Variants in ADGRL3 observed in about 807,000 individuals in gnomAD.
The protein encoded by ADGRL3 is adhesion G protein-coupled receptor L3, also known as calcium-independent alpha-latrotoxin receptor 3.
Under a neutral mutation model 153.5 loss-of-function variants are expected in ADGRL3, and 62 were observed. The observed-to-expected ratio is 0.40, with a 90% CI of 0.33 to 0.50. The LOEUF (loss-of-function observed/expected upper bound fraction) is 0.50, where lower values mean the gene tolerates loss of function less well. Ranked by LOEUF, ADGRL3 falls within the 20% of genes least tolerant of loss-of-function variation. The probability of loss-of-function intolerance (pLI) is 0.47; values close to 1 mark genes in which losing one functional copy is unlikely to be tolerated. For missense variants in ADGRL3, 1,641 were observed against 1,859.4 expected (o/e 0.88, Z 2.16); for synonymous variants, 710 against 672.5 (o/e 1.06, Z -0.86).
At chr4:61,537,715 G>A (rs548092491) in intron 4 of ADGRL3, among the ~76,000 whole-genome samples, 5 of 152,060 alleles carry the variant, frequency 3.3e-5, no homozygotes, top group African/African-American at 7.2e-5. Flanking sequence ...AATTCCCAAC[G>A]TTCTGTATAG....
intron 2 of ADGRL3, among the ~76,000 whole-genome samples, chr4:61,429,590 C>G (rs1038829292): frequency 3.3e-5 from 5 of 151,980 alleles, no homozygotes; most frequent in Non-Finnish European, 5.9e-5. Flanking sequence ...TCAGTTTATT[C>G]CTTTTCTCTT....
chr4:61,743,472 T>C (rs1329249645), intron 8 of ADGRL3, among the ~76,000 whole-genome samples: 1 of 152,202 alleles, frequency 6.6e-6, no homozygotes, highest in Non-Finnish European at 1.5e-5. Context: ...AGAATGTCTT[T>C]GAAGAAACTT....
At chr4:61,650,080 G>A (rs1174336065) in intron 5 of ADGRL3, among the ~76,000 whole-genome samples, 1 of 152,102 alleles carries the variant, frequency 6.6e-6, no homozygotes, top group Admixed American at 6.5e-5. Context: ...GTAACTGTGG[G>A]AAAGTGGCGG....
Position 61,202,274 on chromosome 4 carries a change from G to C in ADGRL3, c.-240+509G>C, listed in dbSNP as rs1186115481. The C allele has an allele frequency of 6.6e-6, 1 of 152,492 alleles. No homozygotes were observed. Among genetic ancestry groups the C allele is most frequent in the African/African-American group, 2.4e-5 (1 of 41,446 alleles). 9.4% of individuals were successfully genotyped at this position (152,492 alleles called of 1,614,324 possible). A position where few individuals can be genotyped will look rare whatever the true frequency, so the allele number is the denominator to read the frequency against. On this transcript the variant is annotated intron_variant, in intron 1 of 26. Coordinates refer to ENST00000683033, the MANE Select transcript of ADGRL3 (RefSeq NM_001387552.1). This position sits in a 1 kb window ranked among gnomAD's most constrained non-coding sequence, Gnocchi z 5.0. ...GGGAAGATGGAAAATGCAGGGTGCC[G>C]AGCCCGGCGCGATTCTCCCTCAACG...
At chr4:61,857,908 G>A (rs1202807150) in intron 9 of ADGRL3, among the ~76,000 whole-genome samples, 1 of 152,020 alleles carries the variant, frequency 6.6e-6, no homozygotes, top group Non-Finnish European at 1.5e-5. Flanking sequence ...AGTCCATTTG[G>A]GAGGGTTACA....
intron 2 of ADGRL3, among the ~76,000 whole-genome samples, chr4:61,458,781 T>G (rs538429716): frequency 5.2e-4 from 79 of 151,626 alleles, no homozygotes; most frequent in African/African-American, 1.7e-3. Context: ...TTATTTATTT[T>G]TGGAACCCTG....
At chr4:61,430,144 A>G (rs2097337873) in intron 2 of ADGRL3, among the ~76,000 whole-genome samples, 1 of 152,176 alleles carries the variant, frequency 6.6e-6, no homozygotes, top group Non-Finnish European at 1.5e-5. Context: ...CAAACAGGTA[A>G]TGTTGCCTTT....
At chr4:61,407,598 T>C (rs889441763) in intron 2 of ADGRL3, among the ~76,000 whole-genome samples, 3 of 152,178 alleles carry the variant, frequency 2.0e-5, no homozygotes, top group Non-Finnish European at 4.4e-5. Context: ...TGCATCGTTT[T>C]ACCTGCCAAA....
chr4:62,061,454 C>T (rs1357713097), intron 25 of ADGRL3, among the ~76,000 whole-genome samples: 1 of 151,868 alleles, frequency 6.6e-6, no homozygotes, highest in African/African-American at 2.4e-5. Flanking sequence ...TTAGTTTAAC[C>T]TGTAGTTAAT....
chr4:61,745,745 C>T (rs1341423421), intron 8 of ADGRL3, among the ~76,000 whole-genome samples: 1 of 152,186 alleles, frequency 6.6e-6, no homozygotes, highest in Non-Finnish European at 1.5e-5. Context: ...GTACCAGCCA[C>T]TGCAAAATCA....
intron 17 of ADGRL3, among the ~76,000 whole-genome samples, chr4:61,952,853 C>G (rs781326588): frequency 2.0e-5 from 3 of 152,204 alleles, no homozygotes; most frequent in African/African-American, 7.2e-5. Flanking sequence ...CATTGCCTAA[C>G]AACCTTTCCG....
At chr4:61,422,473 C>G (rs2097218193) in intron 2 of ADGRL3, among the ~76,000 whole-genome samples, 1 of 152,024 alleles carries the variant, frequency 6.6e-6, no homozygotes, top group African/African-American at 2.4e-5. Flanking sequence ...TGCATACACA[C>G]AGATATGGAA....
intron 5 of ADGRL3, among the ~76,000 whole-genome samples, chr4:61,614,585 A>C (rs1408855469): frequency 3.9e-5 from 6 of 152,178 alleles, no homozygotes; most frequent in Non-Finnish European, 7.4e-5. Context: ...GAATAAAGGT[A>C]AATGTATCAA....
chr4:61,782,308 A>T (rs1320933387), intron 8 of ADGRL3, among the ~76,000 whole-genome samples: 5 of 152,178 alleles, frequency 3.3e-5, no homozygotes, highest in African/African-American at 1.2e-4. Flanking sequence ...AGCTGTATAA[A>T]CAATGAGCAG....
intron 1 of ADGRL3, among the ~76,000 whole-genome samples, chr4:61,233,972 G>A (rs1483298128): frequency 6.6e-6 from 1 of 152,004 alleles, no homozygotes; most frequent in African/African-American, 2.4e-5. Flanking sequence ...TCATTTTGTG[G>A]TCTTAGAAGA....
chr4:61,998,930 C>A (rs115932306), intron 21 of ADGRL3, among the ~76,000 whole-genome samples: 4 of 152,028 alleles, frequency 2.6e-5, no homozygotes, highest in Non-Finnish European at 5.9e-5. Flanking sequence ...CTCCATCTCC[C>A]CCTCCAGAGC....
At chr4:62,047,333 A>T (rs551209101) in intron 25 of ADGRL3, among the ~76,000 whole-genome samples, 78 of 152,158 alleles carry the variant, frequency 5.1e-4, no homozygotes, top group African/African-American at 1.8e-3. Context: ...TCATTAAAAG[A>T]GTATTATTTT....
chr4:61,969,978 C>T (rs2099021038), intron 17 of ADGRL3, among the ~76,000 whole-genome samples: 1 of 152,056 alleles, frequency 6.6e-6, no homozygotes, highest in Non-Finnish European at 1.5e-5. Flanking sequence ...AAGGGTTTTC[C>T]AGAAAGCAAA....
At chr4:61,407,233 A>C (rs529428538) in intron 2 of ADGRL3, among the ~76,000 whole-genome samples, 11 of 152,206 alleles carry the variant, frequency 7.2e-5, no homozygotes, top group African/African-American at 2.6e-4. Flanking sequence ...TCAAGATTGC[A>C]GCCGCATGAA....
Sources: gnomAD v4.1 joint callset for allele counts (sites outside exome capture counted in the v4.1 genomes callset) on GRCh38, gnomAD v4.1.1 for gene constraint, Gnocchi (gnomAD v3.1) non-coding constraint, MANE v1.5 for transcripts, NCBI Gene and HGNC (gene_info 2026-07-23, HGNC 2026-07-21) for gene names.